TCF7L1: variants seen among roughly 807,000 people sequenced by gnomAD.
TCF7L1 encodes transcription factor 7-like 1.
A neutral mutation model predicts 63.7 loss-of-function variants in TCF7L1; 18 were observed. That is an observed-to-expected ratio of 0.28 (90% CI 0.20 to 0.42). The LOEUF is 0.42. Among genes scored for constraint, TCF7L1 ranks in the 10% least tolerant of loss-of-function variants. TCF7L1 has a pLI of 1.00. For missense variants in TCF7L1, 654 were observed against 779.3 expected, an observed-to-expected ratio of 0.84 and a Z score of 1.91; for synonymous variants, 355 against 340.9, an observed-to-expected ratio of 1.04 and a Z score of -0.46.
intron 3 of TCF7L1, among the ~76,000 whole-genome samples, chr2:85,162,951 C>T (rs1056703668): frequency 7.9e-5 from 12 of 152,144 alleles, no homozygotes; most frequent in Non-Finnish European, 1.3e-4. Context: ...CAGTAAAGGG[C>T]GCCGTAGACT....
chr2:85,191,968 A>T (rs1679045205), intron 3 of TCF7L1, among the ~76,000 whole-genome samples: 1 of 152,218 alleles, frequency 6.6e-6, no homozygotes, highest in Non-Finnish European at 1.5e-5. Context: ...GGTCACCAAG[A>T]GAAGTCATTT....
chr2:85,304,319 A>G lies in TCF7L1; in HGVS notation c.826A>G (p.Met276Val), dbSNP rs1273092153. Residue 276 changes from methionine (M) to valine (V), a missense_variant, in exon 7 of 12, where the codon ATG becomes GTG. Met to Val is a conservative substitution (Grantham distance 21). This residue lies in a region of TCF7L1 where 404 missense variants were observed against 454.8 expected (regional missense o/e 0.89). Coordinates refer to ENST00000282111, the MANE Select transcript of TCF7L1 (RefSeq NM_031283.3). ...CCGGCACCCTTACCCCGCCCTCGCC[A>G]TGAACGCCTCGATGTCCAGGTGAGT... Reference protein sequence around the residue: ...GFRHPYPALAMNASMSSLVSS... With the variant: ...GFRHPYPALAVNASMSSLVSS... 6.2e-7 allele frequency: 1 copy of G among 1,613,846 alleles called. No individual in the cohort carries two copies. Among genetic ancestry groups the G allele is most frequent in the Admixed American group, 1.7e-5 (1 of 59,996 alleles).
At chr2:85,228,904 C>G (rs527956252) in intron 3 of TCF7L1, among the ~76,000 whole-genome samples, 25 of 150,968 alleles carry the variant, frequency 1.7e-4, no homozygotes, top group Non-Finnish European at 3.4e-4. Context: ...GCCTGCAGTC[C>G]CAGCTACTCG....
Position 85,231,778 on chromosome 2 carries a change from G to A in TCF7L1, c.442-51717G>A, listed in dbSNP as rs115726847. 9.8e-3 allele frequency among the ~76,000 whole-genome samples: 1,491 copies of A among 152,252 alleles called. 24 individuals carry two copies. Among genetic ancestry groups the A allele is most frequent in the African/African-American group, 0.034 (1,417 of 41,548 alleles). ...CCCACCCCTGGCATGGGTATAGGAC[G>A]TCATTTCTGTTAACCTTGTGTTGGT... On this transcript the variant is annotated intron_variant, in intron 3 of 11. Transcript: ENST00000282111.
intron 3 of TCF7L1, chr2:85,262,346 C>A: frequency 2.1e-6 from 1 of 481,568 alleles, no homozygotes; most frequent in South Asian, 1.7e-5. Context: ...CACCCGCACG[C>A]TGCCTCTGAG....
intron 3 of TCF7L1, among the ~76,000 whole-genome samples, chr2:85,260,639 A>G (rs907927371): frequency 1.7e-5 from 2 of 119,718 alleles, no homozygotes; most frequent in African/African-American, 2.8e-5. Context: ...GTGAGACCCT[A>G]TCTCAAAAAA....
intron 4 of TCF7L1, among the ~76,000 whole-genome samples, chr2:85,298,233 C>T (rs1408131317): frequency 4.9e-5 from 7 of 142,930 alleles, no homozygotes; most frequent in East Asian, 4.3e-4. Context: ...GTGGCTCACG[C>T]CTGTATCCCA....
At chr2:85,303,785 G>A in intron 5 of TCF7L1, 110 bp from the exon 6 acceptor site, 1 of 787,208 alleles carries the variant, frequency 1.3e-6, no homozygotes, top group Non-Finnish European at 2.1e-6. Context: ...ACAAGCACCT[G>A]CTAGGCTCCA....
chr2:85,148,100 T>C (rs1030660025), intron 3 of TCF7L1, among the ~76,000 whole-genome samples: 2 of 152,134 alleles, frequency 1.3e-5, no homozygotes, highest in African/African-American at 4.8e-5. Flanking sequence ...GCTTTTTTTG[T>C]TATAAAATCC....
intron 3 of TCF7L1, among the ~76,000 whole-genome samples, chr2:85,192,988 C>G (rs1268078894): frequency 6.6e-6 from 1 of 152,160 alleles, no homozygotes; most frequent in East Asian, 1.9e-4. Context: ...TGTGCCCGCT[C>G]TGTCTTATCT....
At chr2:85,242,697 C>T (rs1417017933) in intron 3 of TCF7L1, among the ~76,000 whole-genome samples, 1 of 152,328 alleles carries the variant, frequency 6.6e-6, no homozygotes, top group Non-Finnish European at 1.5e-5. Context: ...TTTGTCACTC[C>T]TGCTCACAGC....
chr2:85,181,763 G>T (rs897222976), intron 3 of TCF7L1, among the ~76,000 whole-genome samples: 2 of 152,170 alleles, frequency 1.3e-5, no homozygotes, highest in African/African-American at 4.8e-5. Flanking sequence ...TCCTCAGGGA[G>T]GGTTCCCAGG....
intron 3 of TCF7L1, among the ~76,000 whole-genome samples, chr2:85,201,855 A>G (rs1679278768): frequency 6.6e-6 from 1 of 152,168 alleles, no homozygotes; most frequent in African/African-American, 2.4e-5. Flanking sequence ...CCTGATGGCT[A>G]ATGAAGTTGG....
intron 4 of TCF7L1, among the ~76,000 whole-genome samples, chr2:85,291,993 ATTTTTTTTTTTTTTTTTTTTTTTTTTTTT>A (rs1167747216): frequency 2.2e-4 from 3 of 13,834 alleles, no homozygotes; most frequent in Non-Finnish European, 2.9e-4. Context: ...GGTCATATGT[ATTTTTTTTTTTTTTTTTTTTTTTTTTTTT>A]TTTTTTTTTT....
chr2:85,191,785 AC>A (rs1246810098), intron 3 of TCF7L1, among the ~76,000 whole-genome samples: 1 of 151,086 alleles, frequency 6.6e-6, no homozygotes, highest in African/African-American at 2.4e-5. Context: ...AGATTTTGTC[AC>A]TGCACTCCAG....
intron 3 of TCF7L1, among the ~76,000 whole-genome samples, chr2:85,213,009 G>A (rs1274870297): frequency 6.6e-6 from 1 of 152,170 alleles, no homozygotes; most frequent in African/African-American, 2.4e-5. Context: ...GTCTGGTGGA[G>A]TCCTGGAAGT....
intron 3 of TCF7L1, among the ~76,000 whole-genome samples, chr2:85,259,889 G>A (rs1680817767): frequency 6.6e-6 from 1 of 152,170 alleles, no homozygotes; most frequent in Admixed American, 6.5e-5. Flanking sequence ...CCCTGCAGAA[G>A]CTTCCGATCA....
At chr2:85,160,169 A>C (rs1263505632) in intron 3 of TCF7L1, among the ~76,000 whole-genome samples, 2 of 152,032 alleles carry the variant, frequency 1.3e-5, no homozygotes, top group African/African-American at 4.8e-5. Context: ...AATTCCTAAA[A>C]TCTCCTGTGC....
chr2:85,165,133 A>G (rs1177410502), intron 3 of TCF7L1, among the ~76,000 whole-genome samples: 1 of 152,198 alleles, frequency 6.6e-6, no homozygotes, highest in Non-Finnish European at 1.5e-5. Flanking sequence ...CTTGGTTTGC[A>G]TTTATAGTAA....
Sources: gnomAD v4.1 joint callset for allele counts (sites outside exome capture counted in the v4.1 genomes callset) on GRCh38, gnomAD v4.1.1 for gene constraint, gnomAD v4.1.1 regional missense constraint, MANE v1.5 for transcripts, NCBI Gene and HGNC (gene_info 2026-07-23, HGNC 2026-07-21) for gene names.